Variants in FGF12 observed in about 807,000 individuals in gnomAD.
FGF12 encodes fibroblast growth factor 12, also known as fibroblast growth factor 12B.
Under a neutral mutation model 23.6 loss-of-function variants are expected in FGF12, and 14 were observed. The ratio of observed to expected loss-of-function variants is 0.59; its 90% CI spans 0.39 to 0.93. The LOEUF (loss-of-function observed/expected upper bound fraction) is 0.93. Ranked by LOEUF, FGF12 falls within the 40% of genes least tolerant of loss-of-function variation. FGF12 has a pLI of 0.00. For missense variants in FGF12, 175 were observed against 217.8 expected (o/e 0.80, Z 1.24); for synonymous variants, 62 against 77.3 (o/e 0.80, Z 1.04).
chr3:192,252,481 A>G (rs1346427139), intron 4 of FGF12, among the ~76,000 whole-genome samples: 137 of 148,660 alleles, frequency 9.2e-4, no homozygotes, highest in Admixed American at 1.9e-3. Flanking sequence ...AAAAAAAAAA[A>G]AAAAAAAAAA....
chr3:192,297,308 G>C (rs375919390), intron 4 of FGF12, among the ~76,000 whole-genome samples: 4 of 152,124 alleles, frequency 2.6e-5, no homozygotes, highest in Non-Finnish European at 5.9e-5. Flanking sequence ...TGGTTCAGTC[G>C]CAATACTTTG....
chr3:192,620,352 T>G (rs1453680528), intron 2 of FGF12, among the ~76,000 whole-genome samples: 1 of 152,080 alleles, frequency 6.6e-6, no homozygotes, highest in East Asian at 1.9e-4. Flanking sequence ...TAAGCACTCC[T>G]TACAGTAATC....
intron 2 of FGF12, among the ~76,000 whole-genome samples, chr3:192,413,220 A>G (rs1721250536): frequency 1.3e-5 from 2 of 152,296 alleles, no homozygotes; most frequent in African/African-American, 2.4e-5. Flanking sequence ...TAGTTTACAC[A>G]TTCATTTTAA....
intron 5 of FGF12, among the ~76,000 whole-genome samples, chr3:192,149,148 C>A (rs188687787): frequency 9.3e-4 from 141 of 152,216 alleles, no homozygotes; most frequent in African/African-American, 3.3e-3. Context: ...GAAGAGTTAA[C>A]GTCCATCCGA....
chr3:192,592,173 C>T (rs1000926329), intron 2 of FGF12, among the ~76,000 whole-genome samples: 5 of 151,836 alleles, frequency 3.3e-5, no homozygotes, highest in Non-Finnish European at 1.5e-5. Flanking sequence ...AGTAAACAGA[C>T]ATTTTGTCTG....
chr3:192,225,423 A>G (rs560010929), intron 4 of FGF12, among the ~76,000 whole-genome samples: 1 of 152,158 alleles, frequency 6.6e-6, no homozygotes, highest in South Asian at 2.1e-4. Flanking sequence ...TACCACACAT[A>G]CATTCTTAAT....
intron 4 of FGF12, among the ~76,000 whole-genome samples, chr3:192,295,414 C>A (rs765632925): frequency 3.3e-5 from 5 of 152,172 alleles, no homozygotes; most frequent in Non-Finnish European, 7.3e-5. Context: ...AGAGTCATTG[C>A]CCATGGCAGT....
At chr3:192,159,106 CT>C (rs1387915419) in intron 5 of FGF12, among the ~76,000 whole-genome samples, 4 of 152,152 alleles carry the variant, frequency 2.6e-5, no homozygotes, top group Non-Finnish European at 5.9e-5. Context: ...TCTCTACTTC[CT>C]TTTTATAGCA....
intron 4 of FGF12, among the ~76,000 whole-genome samples, chr3:192,213,774 C>G (rs907757226): frequency 1.3e-5 from 2 of 152,200 alleles, no homozygotes; most frequent in African/African-American, 2.4e-5. Context: ...ACTCACAGGC[C>G]TGTGATTCAG....
At chr3:192,158,654 T>TTCCCTCC (rs757277334) in intron 5 of FGF12, among the ~76,000 whole-genome samples, 5,872 of 38,916 alleles carry the variant, frequency 0.15, 307 homozygotes, top group Non-Finnish European at 0.21. Context: ...CCTCCCTCCC[T>TTCCCTCC]CCCTTCCTTC....
At position 192,146,521 on chromosome 3, in the gene FGF12, G is replaced by A. The variant is rs534486329; in HGVS notation, c.428-2394C>T. 7.2e-5 allele frequency among the ~76,000 whole-genome samples: 11 copies of A among 151,980 alleles called. No homozygotes were observed. In the East Asian group the frequency reaches 2.1e-3, roughly 29 times the overall value. On this transcript the variant is annotated intron_variant, in intron 5 of 5. Transcript: ENST00000445105. ...CCTAACCTCGTGATCCACCCGCCTCGACCTCCCAAAGTGCTGGGATTACAG... is the reference window on the plus strand; with the variant it reads ...CCTAACCTCGTGATCCACCCGCCTCAACCTCCCAAAGTGCTGGGATTACAG...
At chr3:192,334,421 T>A (rs965605644) in intron 4 of FGF12, among the ~76,000 whole-genome samples, 15 of 152,030 alleles carry the variant, frequency 9.9e-5, no homozygotes, top group African/African-American at 2.9e-4. Flanking sequence ...TGCTATTTAC[T>A]GAGATCATAA....
intron 2 of FGF12, among the ~76,000 whole-genome samples, chr3:192,660,214 C>T (rs1716601420): frequency 6.6e-6 from 1 of 151,570 alleles, no homozygotes; most frequent in South Asian, 2.1e-4. Context: ...TTTGTAGGGA[C>T]ATGGATGAAG....
intron 2 of FGF12, among the ~76,000 whole-genome samples, chr3:192,557,495 G>T (rs1430839889): frequency 2.0e-5 from 3 of 151,752 alleles, no homozygotes; most frequent in Non-Finnish European, 3.0e-5. Context: ...ACTTAAAGAA[G>T]AATTAATATC....
rs6807563 is a variant in FGF12 at position 192,372,142 on chromosome 3, A to T, written c.14-11604T>A. 6.8e-3 allele frequency among the ~76,000 whole-genome samples: 1,035 copies of T among 152,278 alleles called. 9 individuals carry two copies. The highest frequency in any genetic ancestry group is 0.024 in the African/African-American group (991 of 41,556). On this transcript the variant is annotated intron_variant, in intron 2 of 5. Coordinates refer to ENST00000445105, the MANE Select transcript of FGF12 (RefSeq NM_004113.6). ...TCAGTGAGTCTCTTTTCTCACAGAC[A>T]CATCTTTTGGCACCAGAAATAAATG...
chr3:192,156,003 G>A (rs894885691), intron 5 of FGF12, among the ~76,000 whole-genome samples: 1 of 152,124 alleles, frequency 6.6e-6, no homozygotes, highest in East Asian at 1.9e-4. Context: ...GTTATAATGC[G>A]CAATATTATT....
At chr3:192,156,138 G>A (rs1714401586) in intron 5 of FGF12, among the ~76,000 whole-genome samples, 1 of 152,018 alleles carries the variant, frequency 6.6e-6, no homozygotes. Context: ...TCAGCTATGA[G>A]AACAAAATTT....
At chr3:192,343,914 A>G (rs1717822269) in intron 3 of FGF12, among the ~76,000 whole-genome samples, 1 of 152,208 alleles carries the variant, frequency 6.6e-6, no homozygotes, top group Admixed American at 6.5e-5. Flanking sequence ...TCTTACAGAC[A>G]TTAAAGGAAA....
intron 2 of FGF12, among the ~76,000 whole-genome samples, chr3:192,375,901 A>G (rs1719471696): frequency 1.3e-5 from 2 of 152,062 alleles, no homozygotes; most frequent in African/African-American, 4.8e-5. Flanking sequence ...TCTATCTTTC[A>G]TTTGTAGTTA....
Sources: allele counts gnomAD v4.1 joint callset (sites outside exome capture counted in the v4.1 genomes callset), GRCh38; gene constraint gnomAD v4.1.1; transcripts MANE v1.5; gene names NCBI Gene and HGNC (gene_info 2026-07-23, HGNC 2026-07-21).